The following RNF213 variants were observed in gnomAD, a reference collection of about 807,000 sequenced individuals.
RNF213 encodes the protein E3 ubiquitin-protein ligase RNF213.
Under a neutral mutation model 514.4 loss-of-function variants are expected in RNF213, and 341 were observed. The observed-to-expected ratio is 0.66, with a 90% CI of 0.61 to 0.73. RNF213 has a LOEUF of 0.73. RNF213 is among the 30% of genes least tolerant of loss of function. The pLI is 0.00. For synonymous variants in RNF213, 2,655 were observed against 2,658.2 expected (o/e 1.00, Z 0.04); for missense variants, 5,767 against 6,615.6 (o/e 0.87, Z 4.45).
At chr17:80,267,383 C>T (rs781712330) in intron 2 of RNF213, among the ~76,000 whole-genome samples, 2 of 152,080 alleles carry the variant, frequency 1.3e-5, no homozygotes, top group African/African-American at 2.4e-5. Context: ...GTGGAGGTTG[C>T]AGTGAGCCGA....
chr17:80,296,583 A>G (rs1178727640), intron 10 of RNF213, among the ~76,000 whole-genome samples: 2 of 151,870 alleles, frequency 1.3e-5, no homozygotes, highest in East Asian at 3.9e-4. Flanking sequence ...TGAGCTCTGC[A>G]CTCTCTCTGC....
At chr17:80,340,528 C>G in intron 26 of RNF213, 172 bp downstream of exon 26, 1 of 628,162 alleles carries the variant, frequency 1.6e-6, no homozygotes, top group South Asian at 1.9e-5. Context: ...ACCCTGGTCA[C>G]CTGGTCTCCC....
chr17:80,313,404 TC>T (rs2045637163), intron 15 of RNF213, among the ~76,000 whole-genome samples: 1 of 151,168 alleles, frequency 6.6e-6, no homozygotes, highest in Non-Finnish European at 1.5e-5. Context: ...CCGGGCACAG[TC>T]CCTGTGGTGA....
intron 36 of RNF213, among the ~76,000 whole-genome samples, chr17:80,356,444 C>T (rs1248456843): frequency 2.0e-5 from 3 of 152,372 alleles, no homozygotes; most frequent in East Asian, 3.9e-4. Context: ...GTGAGGCCTG[C>T]GCAGCCGCTG....
At chr17:80,354,258 C>T (rs1599100085) in intron 35 of RNF213, 92 bp downstream of exon 35, 1 of 1,518,758 alleles carries the variant, frequency 6.6e-7, no homozygotes, top group East Asian at 2.3e-5. Context: ...GGGACACCCT[C>T]TCAGGTTTCC....
Position 80,349,697 on chromosome 17 carries a change from G to C in RNF213, c.9952-73G>C, listed in dbSNP as rs878929039. ...TGAACATCGCAGGTTTCTAGGATCT[G>C]TCTAAACCTGGCAGCAGACTTGCAA... On this transcript the variant is annotated intron_variant, in intron 29 of 67. Transcript: ENST00000582970. 9.2e-6 allele frequency: 14 copies of C among 1,523,876 alleles called. No individual in the cohort carries two copies. In the East Asian group the frequency reaches 2.0e-4, roughly 22 times the overall value. The allele number at this position is 1,523,876 out of a possible 1,614,324, so 94.4% of individuals were successfully genotyped here. A position where few individuals can be genotyped will look rare whatever the true frequency, so the allele number is the denominator to read the frequency against.
At chr17:80,277,518 A>G (rs911590039) in intron 3 of RNF213, among the ~76,000 whole-genome samples, 2 of 149,740 alleles carry the variant, frequency 1.3e-5, no homozygotes, top group African/African-American at 4.9e-5. Flanking sequence ...GAATTGCTTG[A>G]ACCTAGGAGG....
At chr17:80,295,445 G>T in intron 9 of RNF213, 112 bp from the exon 10 acceptor site, 1 of 1,349,368 alleles carries the variant, frequency 7.4e-7, no homozygotes, top group Non-Finnish European at 1.0e-6. Context: ...CAGGTGTGGT[G>T]GTGGGGCACG....
At position 80,398,187 on chromosome 17, in the gene RNF213, CT is replaced by C. The variant is rs1476755141; in HGVS notation, c.*4690del. On this transcript the variant is annotated 3_prime_UTR_variant, in exon 68 of 68. Transcript: ENST00000582970. ...TTGATACTTTGGTTTTGGTTTTGAC[CT>C]GACTTGGATATCCTGATACTCTGAT... 1 of 151,888 alleles carries C rather than the reference CT, an allele frequency of 6.6e-6. No homozygotes were observed. Among genetic ancestry groups the C allele is most frequent in the Admixed American group, 6.6e-5 (1 of 15,248 alleles). 9.4% of individuals were successfully genotyped at this position (151,888 alleles called of 1,614,324 possible). A position where few individuals can be genotyped will look rare whatever the true frequency, so the allele number is the denominator to read the frequency against.
At chr17:80,367,613 C>T (rs1389763830) in intron 42 of RNF213, 135 bp from the exon 43 acceptor site, 8 of 688,684 alleles carry the variant, frequency 1.2e-5, no homozygotes, top group Non-Finnish European at 2.1e-5. Flanking sequence ...AACACAGGAT[C>T]ACAAAGGCCT....
chr17:80,283,659 G>A (rs2044375001), intron 3 of RNF213, among the ~76,000 whole-genome samples: 1 of 152,220 alleles, frequency 6.6e-6, no homozygotes, highest in Non-Finnish European at 1.5e-5. Context: ...TAAGGTCTGA[G>A]CCCTTTGCTA....
In RNF213 at chr17:80,386,878, G is replaced by T; in HGVS notation, c.14909G>T (p.Arg4970Leu). ...IVSRFLQGKP[R>L]LSLKGIPTLV... is the part of the protein sequence containing the mutation. Reference sequence around the variant, plus strand: ...AGCCGCTTCCTCCAGGGCAAGCCCCGGCTGAGCCTCAAGGTAGGGCTGACT... The same window carrying T: ...AGCCGCTTCCTCCAGGGCAAGCCCCTGCTGAGCCTCAAGGTAGGGCTGACT... Residue 4970 changes from arginine (R) to leucine (L), a missense_variant, in exon 63 of 68, where the codon CGG becomes CTG. Physicochemically the swap from Arg to Leu is moderately radical, Grantham distance 102. Transcript: ENST00000582970. The T allele has an allele frequency of 6.2e-7, 1 of 1,612,548 alleles. No individual in the cohort carries two copies. Among genetic ancestry groups the T allele is most frequent in the Non-Finnish European group, 8.5e-7 (1 of 1,179,612 alleles).
chr17:80,298,273 G>A lies in RNF213; in HGVS notation c.2013-48G>A, dbSNP rs577824270. 120 of 1,582,934 alleles carry A rather than the reference G, an allele frequency of 7.6e-5. 1 individual carries two copies. In the South Asian group the frequency reaches 1.3e-3, roughly 17 times the overall value. Reference sequence around the variant, plus strand: ...TGGGACTCCAGACTCCCAGGGAGATGACTCCCTGGCCAGCTCAGCTCACTG... The same window carrying A: ...TGGGACTCCAGACTCCCAGGGAGATAACTCCCTGGCCAGCTCAGCTCACTG... On this transcript the variant is annotated intron_variant, in intron 10 of 67. Transcript: ENST00000582970.
At chr17:80,291,596 T>C in intron 7 of RNF213, 32 bp from the exon 8 acceptor site, 1 of 1,610,534 alleles carries the variant, frequency 6.2e-7, no homozygotes, top group Non-Finnish European at 8.5e-7. Context: ...GTAGGAATTT[T>C]GGATAGCCAA....
intron 28 of RNF213, 76 bp downstream of exon 28, chr17:80,344,091 G>A (rs1414397362): frequency 1.4e-5 from 21 of 1,482,588 alleles, no homozygotes; most frequent in Middle Eastern, 4.3e-4. Flanking sequence ...GTGGAATGGC[G>A]CGTTTAGGAG....
intron 36 of RNF213, among the ~76,000 whole-genome samples, chr17:80,357,696 G>T (rs2078885943): frequency 6.6e-6 from 1 of 152,210 alleles, no homozygotes. Flanking sequence ...AAGCAGATAA[G>T]TGCGGTGGCT....
chr17:80,372,420 C>T (rs1599163799), intron 47 of RNF213, 101 bp from the exon 48 acceptor site: 2 of 832,146 alleles, frequency 2.4e-6, no homozygotes, highest in Non-Finnish European at 4.0e-6. Context: ...TAACATTCTT[C>T]TATCCTTCCT....
chr17:80,341,539 C>G (rs998417717), intron 26 of RNF213: 1 of 152,098 alleles, frequency 6.6e-6, no homozygotes, highest in Non-Finnish European at 1.5e-5. Context: ...CAACAGCAGA[C>G]CACGTATATG....
chr17:80,275,534 G>A (rs75842986), intron 3 of RNF213, among the ~76,000 whole-genome samples: 1 of 151,998 alleles, frequency 6.6e-6, no homozygotes, highest in Non-Finnish European at 1.5e-5. Context: ...ACAAATGCTC[G>A]AGCAGGACGC....
Sources: allele counts gnomAD v4.1 joint callset (sites outside exome capture counted in the v4.1 genomes callset), GRCh38; gene constraint gnomAD v4.1.1; transcripts MANE v1.5; gene names NCBI Gene and HGNC (gene_info 2026-07-23, HGNC 2026-07-21).